Variants in PTPRD observed in about 807,000 individuals in gnomAD.
The protein encoded by PTPRD is protein tyrosine phosphatase receptor type D, also known as receptor-type tyrosine-protein phosphatase delta.
In PTPRD, 34 loss-of-function variants were observed where a neutral mutation model predicts 214.5. The observed-to-expected ratio is 0.16, with a 90% CI of 0.12 to 0.21. PTPRD has a LOEUF of 0.21. PTPRD is among the 10% of genes least tolerant of loss of function. The pLI is 1.00. For missense variants in PTPRD, 2,545 were observed against 2,398.7 expected (o/e 1.06, Z -1.27); for synonymous variants, 1,128 against 845.7 (o/e 1.33, Z -5.79).
At chr9:10,365,288 TA>T (rs745372360) in intron 2 of PTPRD, among the ~76,000 whole-genome samples, 6 of 152,182 alleles carry the variant, frequency 3.9e-5, no homozygotes, top group Non-Finnish European at 8.8e-5. Context: ...AAGCCCAAAC[TA>T]CTTAGTAAGG....
At chr9:10,152,697 C>T (rs113499493) in intron 3 of PTPRD, among the ~76,000 whole-genome samples, 150 of 152,150 alleles carry the variant, frequency 9.9e-4, no homozygotes, top group African/African-American at 3.4e-3. Context: ...TGGTGGCACA[C>T]GCCTGTAATC....
chr9:9,395,722 T>G lies in PTPRD; in HGVS notation c.-203+1727A>C, dbSNP rs1426679848. ...CAGTAATCTTGAGATCTGAACTAGC[T>G]GAACAAATAGACTGGAAAGCATTCA... On this transcript the variant is annotated intron_variant, in intron 9 of 45. Coordinates refer to ENST00000381196, the MANE Select transcript of PTPRD (RefSeq NM_002839.4). Among the ~76,000 whole-genome samples, 3 of 152,160 alleles carry G rather than the reference T, an allele frequency of 2.0e-5. No individual in the cohort carries two copies. In the East Asian group the frequency reaches 5.8e-4, roughly 30 times the overall value.
intron 5 of PTPRD, among the ~76,000 whole-genome samples, chr9:9,883,664 G>A (rs1047972287): frequency 6.6e-6 from 1 of 152,064 alleles, no homozygotes; most frequent in Admixed American, 6.6e-5. Context: ...ATATTTTGGT[G>A]ACATACAACC....
chr9:10,024,907 T>C (rs1439697516), intron 4 of PTPRD, among the ~76,000 whole-genome samples: 2 of 151,704 alleles, frequency 1.3e-5, no homozygotes, highest in Non-Finnish European at 2.9e-5. Context: ...TGCGATAGTT[T>C]GCTGAGAATG....
intron 3 of PTPRD, among the ~76,000 whole-genome samples, chr9:10,108,040 G>A (rs1175580469): frequency 1.3e-5 from 2 of 152,096 alleles, no homozygotes; most frequent in African/African-American, 2.4e-5. Context: ...TTGAAAGAGG[G>A]TGAGTGACTA....
intron 12 of PTPRD, among the ~76,000 whole-genome samples, chr9:8,718,949 C>A (rs528580973): frequency 6.6e-6 from 1 of 152,214 alleles, no homozygotes; most frequent in South Asian, 2.1e-4. Context: ...CAAAATGGTA[C>A]AGAGTATATC....
At chr9:8,588,713 G>C (rs2093865633) in intron 14 of PTPRD, among the ~76,000 whole-genome samples, 1 of 152,116 alleles carries the variant, frequency 6.6e-6, no homozygotes, top group Non-Finnish European at 1.5e-5. Context: ...ACATGTATCA[G>C]ATAATGCAAA....
chr9:8,653,006 G>C (rs149609057), intron 12 of PTPRD, among the ~76,000 whole-genome samples: 1 of 152,132 alleles, frequency 6.6e-6, no homozygotes, highest in African/African-American at 2.4e-5. Context: ...CCCAGTCATA[G>C]TCACTAATTT....
At chr9:8,555,779 C>T (rs902068378) in intron 14 of PTPRD, among the ~76,000 whole-genome samples, 2 of 152,206 alleles carry the variant, frequency 1.3e-5, no homozygotes, top group Non-Finnish European at 2.9e-5. Flanking sequence ...AGAGAGTCTA[C>T]ACGTGTAGGG....
intron 3 of PTPRD, among the ~76,000 whole-genome samples, chr9:10,121,330 A>G (rs2098773496): frequency 1.3e-5 from 2 of 152,186 alleles, no homozygotes; most frequent in Admixed American, 1.3e-4. Flanking sequence ...GCTTTGGGAT[A>G]CATTTCAATT....
chr9:10,160,336 A>G (rs1288166021), intron 3 of PTPRD, among the ~76,000 whole-genome samples: 1 of 152,042 alleles, frequency 6.6e-6, no homozygotes, highest in Non-Finnish European at 1.5e-5. Context: ...ATAACAAGTA[A>G]TGAGATTGAA....
At chr9:9,181,595 A>G (rs1249387352) in intron 10 of PTPRD, among the ~76,000 whole-genome samples, 1 of 152,088 alleles carries the variant, frequency 6.6e-6, no homozygotes, top group East Asian at 1.9e-4. Flanking sequence ...TACAGCCACC[A>G]GAAATATAAT....
chr9:10,415,101 A>C (rs1054942034), intron 2 of PTPRD, among the ~76,000 whole-genome samples: 1 of 151,864 alleles, frequency 6.6e-6, no homozygotes, highest in African/African-American at 2.4e-5. Flanking sequence ...AAAAGTAAAA[A>C]TAAATAGATA....
chr9:9,578,861 T>C (rs1280867227), intron 7 of PTPRD, among the ~76,000 whole-genome samples: 2 of 152,110 alleles, frequency 1.3e-5, no homozygotes, highest in Non-Finnish European at 2.9e-5. Context: ...TTAAGTCACA[T>C]ACCAGGATAG....
chr9:9,645,896 T>G lies in PTPRD; in HGVS notation c.-286-71115A>C, dbSNP rs541973806. ...TAAAGCATTTCAAAATTGTTTTAAA[T>G]TTATTATTAATTGTTGTGGATACAT... On this transcript the variant is annotated intron_variant, in intron 7 of 45. Transcript: ENST00000381196. Among the ~76,000 whole-genome samples the G allele has an allele frequency of 1.1e-4, 16 of 152,334 alleles. 1 individual carries two copies. The South Asian group carries it at 1.2e-3, about 12-fold the overall frequency.
chr9:9,911,917 T>A (rs531975940), intron 5 of PTPRD, among the ~76,000 whole-genome samples: 7 of 152,138 alleles, frequency 4.6e-5, no homozygotes, highest in Non-Finnish European at 1.0e-4. Context: ...AGAGATCATC[T>A]GTTTTTTCTT....
chr9:9,026,012 A>G (rs1259105439), intron 10 of PTPRD, among the ~76,000 whole-genome samples: 1 of 151,986 alleles, frequency 6.6e-6, no homozygotes, highest in Non-Finnish European at 1.5e-5. Flanking sequence ...AAAGAGAAAG[A>G]CAGTTGGATG....
At chr9:8,496,085 G>C (rs1006154878) in intron 26 of PTPRD, among the ~76,000 whole-genome samples, 1 of 151,814 alleles carries the variant, frequency 6.6e-6, no homozygotes, top group Non-Finnish European at 1.5e-5. Context: ...ACTGTCACGT[G>C]ACTATACCAC....
intron 12 of PTPRD, among the ~76,000 whole-genome samples, chr9:8,646,918 C>T (rs72700311): frequency 0.16 from 24,566 of 151,082 alleles, 2,553 homozygotes; most frequent in African/African-American, 0.29. Context: ...GTATTTAGGA[C>T]GGATAATAAT....
Sources: allele counts gnomAD v4.1 joint callset (sites outside exome capture counted in the v4.1 genomes callset), GRCh38; gene constraint gnomAD v4.1.1; transcripts MANE v1.5; gene names NCBI Gene and HGNC (gene_info 2026-07-23, HGNC 2026-07-21).